GRAMD1B: variants seen among roughly 807,000 people sequenced by gnomAD.
GRAMD1B encodes protein Aster-B.
In GRAMD1B, 37 loss-of-function variants were observed where a neutral mutation model predicts 99.7. The ratio of observed to expected loss-of-function variants is 0.37; its 90% confidence interval spans 0.29 to 0.49. The LOEUF is 0.49. Among genes scored for constraint, GRAMD1B ranks in the 20% least tolerant of loss-of-function variants. The pLI is 0.98. For synonymous variants in GRAMD1B, 427 were observed against 387.6 expected, an observed-to-expected ratio of 1.10 and a Z score of -1.19; for missense variants, 888 against 1,009.2, an observed-to-expected ratio of 0.88 and a Z score of 1.63.
chr11:123,480,047 GC>G (rs1351898209), intron 1 of GRAMD1B, among the ~76,000 whole-genome samples: 1 of 152,112 alleles, frequency 6.6e-6, no homozygotes, highest in South Asian at 2.1e-4. Flanking sequence ...CATCAGCTAT[GC>G]CAGCAGTTAG....
intron 2 of GRAMD1B, among the ~76,000 whole-genome samples, chr11:123,528,120 T>G (rs1193854052): frequency 2.0e-5 from 3 of 152,220 alleles, no homozygotes; most frequent in Admixed American, 6.5e-5. Flanking sequence ...GTGGATGAAA[T>G]GCGGCTCCCT....
chr11:123,577,761 C>G (rs369329919), intron 3 of GRAMD1B, among the ~76,000 whole-genome samples, 184 bp downstream of exon 3: 5 of 151,576 alleles, frequency 3.3e-5, no homozygotes, highest in East Asian at 1.9e-4. Flanking sequence ...TAAATATCTT[C>G]CCCGCTAAGC....
intron 2 of GRAMD1B, among the ~76,000 whole-genome samples, chr11:123,574,390 A>G (rs553140909): frequency 2.0e-5 from 3 of 152,296 alleles, no homozygotes; most frequent in East Asian, 3.9e-4. Context: ...AGAAAGATTA[A>G]TGACACAGCT....
At chr11:123,595,544 T>C (rs1250841658) in intron 6 of GRAMD1B, among the ~76,000 whole-genome samples, 2 of 152,164 alleles carry the variant, frequency 1.3e-5, no homozygotes, top group African/African-American at 2.4e-5. Context: ...TCCGCCCGCC[T>C]CCGCCTCCCA....
intron 1 of GRAMD1B, among the ~76,000 whole-genome samples, chr11:123,457,616 A>G (rs896157111): frequency 1.3e-5 from 2 of 152,230 alleles, no homozygotes; most frequent in African/African-American, 2.4e-5. Context: ...TCTGTGTTCT[A>G]CGGAGTCCAT....
At chr11:123,519,876 C>G (rs573341022) in intron 2 of GRAMD1B, among the ~76,000 whole-genome samples, 1 of 152,302 alleles carries the variant, frequency 6.6e-6, no homozygotes, top group East Asian at 1.9e-4. Context: ...GCCGAATTCT[C>G]CCTTGGCTTC....
At position 123,480,880 on chromosome 11, in the gene GRAMD1B, G is replaced by A; in HGVS notation, c.439G>A (p.Ala147Thr). Reference protein sequence around the residue: ...DDSSRFLSPRAREESTASNSN... With the variant: ...DDSSRFLSPRTREESTASNSN... The stretch of plus-strand genomic sequence containing the variant: ...TTCTAGCAGGTTCCTGAGTCCTCGA[G>A]CGCGGGAAGAAAGGTAAGGTCCAAC... The change falls in exon 2 of 20, where the codon GCG (alanine) becomes ACG (threonine). Residue 147 changes from alanine (A) to threonine (T), a missense_variant. Physicochemically the swap from Ala to Thr is moderately conservative, Grantham distance 58. Around this residue, in one of 5 missense-constraint regions of GRAMD1B, gnomAD observed 233 missense variants for 154.6 expected, o/e 1.51. Transcript: ENST00000635736. The A allele has an allele frequency of 2.5e-6, 1 of 398,976 alleles. No homozygotes were observed. Among genetic ancestry groups the A allele is most frequent in the Non-Finnish European group, 4.4e-6 (1 of 226,314 alleles). The allele number at this position is 398,976 out of a possible 1,614,324, so 24.7% of individuals were successfully genotyped here. A position where few individuals can be genotyped will look rare whatever the true frequency, so the allele number is the denominator to read the frequency against.
At chr11:123,401,028 C>T (rs1307712837) in intron 1 of GRAMD1B, among the ~76,000 whole-genome samples, 1 of 152,094 alleles carries the variant, frequency 6.6e-6, no homozygotes, top group Non-Finnish European at 1.5e-5. Context: ...TAACAATATG[C>T]CAGTCATTAT....
intron 2 of GRAMD1B, among the ~76,000 whole-genome samples, chr11:123,574,445 A>G (rs987148704): frequency 9.9e-5 from 15 of 152,188 alleles, no homozygotes; most frequent in African/African-American, 3.6e-4. Flanking sequence ...AGACCACTCA[A>G]CTGGCTATTT....
chr11:123,548,349 C>CATATATATATATATATATATATATAT (rs142360908), intron 2 of GRAMD1B, among the ~76,000 whole-genome samples: 5 of 107,752 alleles, frequency 4.6e-5, no homozygotes, highest in African/African-American at 2.3e-4. Flanking sequence ...CACACACACA[C>CATATATATATATATATATATATATAT]ATATATATAT....
intron 2 of GRAMD1B, among the ~76,000 whole-genome samples, chr11:123,493,136 C>G (rs1938791199): frequency 6.6e-6 from 1 of 152,218 alleles, no homozygotes; most frequent in Admixed American, 6.5e-5. Context: ...GCGGGGAACT[C>G]AGGTTTTGGA....
intron 1 of GRAMD1B, among the ~76,000 whole-genome samples, chr11:123,471,932 C>T (rs1951035160): frequency 6.6e-6 from 1 of 152,154 alleles, no homozygotes; most frequent in Non-Finnish European, 1.5e-5. Flanking sequence ...TCAGCAATTA[C>T]AAAGTAGTAT....
chr11:123,546,122 G>GCTAGA (rs1945019610), intron 2 of GRAMD1B, among the ~76,000 whole-genome samples: 2 of 152,228 alleles, frequency 1.3e-5, no homozygotes, highest in Non-Finnish European at 2.9e-5. Context: ...GCCAGGAATA[G>GCTAGA]CTAGACATAA....
intron 2 of GRAMD1B, among the ~76,000 whole-genome samples, chr11:123,499,686 C>A (rs1364888104): frequency 6.6e-6 from 1 of 152,094 alleles, no homozygotes; most frequent in Non-Finnish European, 1.5e-5. Flanking sequence ...GTGGAGAAAC[C>A]CATTTTGACC....
At chr11:123,464,510 GT>G (rs1383551547) in intron 1 of GRAMD1B, among the ~76,000 whole-genome samples, 1 of 152,114 alleles carries the variant, frequency 6.6e-6, no homozygotes, top group Non-Finnish European at 1.5e-5. Flanking sequence ...CAATCTAGTT[GT>G]TAAACATTTG....
chr11:123,407,520 G>T (rs1373427662), intron 1 of GRAMD1B, among the ~76,000 whole-genome samples: 1 of 152,178 alleles, frequency 6.6e-6, no homozygotes, highest in African/African-American at 2.4e-5. Context: ...CCTTAGGAAA[G>T]CTGTGGGGAC....
chr11:123,477,248 T>C (rs1410757909), intron 1 of GRAMD1B, among the ~76,000 whole-genome samples: 1 of 68,026 alleles, frequency 1.5e-5, no homozygotes, highest in Non-Finnish European at 2.6e-5. Context: ...TCCTCTCCCC[T>C]TCTCCCCCTT....
intron 1 of GRAMD1B, among the ~76,000 whole-genome samples, chr11:123,418,132 A>G (rs1210876403): frequency 2.6e-5 from 4 of 152,176 alleles, no homozygotes; most frequent in African/African-American, 7.2e-5. Flanking sequence ...TGAAACTCAA[A>G]TGGAATAAAC....
intron 1 of GRAMD1B, among the ~76,000 whole-genome samples, chr11:123,402,867 G>C (rs1398408035): frequency 6.6e-6 from 1 of 151,982 alleles, no homozygotes; most frequent in Non-Finnish European, 1.5e-5. Context: ...TTCCACCATT[G>C]TGGAAGACAG....
Sources: gnomAD v4.1 joint callset for allele counts (sites outside exome capture counted in the v4.1 genomes callset) on GRCh38, gnomAD v4.1.1 for gene constraint, gnomAD v4.1.1 regional missense constraint, MANE v1.5 for transcripts, NCBI Gene and HGNC (gene_info 2026-07-23, HGNC 2026-07-21) for gene names.